The following KANSL1L variants were observed in gnomAD, a reference collection of about 807,000 sequenced individuals.
KANSL1L encodes the protein KAT8 regulatory NSL complex subunit 1-like protein.
In KANSL1L, 25 loss-of-function variants were observed where a neutral mutation model predicts 108.6. The observed-to-expected ratio is 0.23, with a 90% CI of 0.17 to 0.32. The LOEUF is 0.32. Ranked by LOEUF, KANSL1L falls within the 10% of genes least tolerant of loss-of-function variation. KANSL1L has a pLI of 1.00. For missense variants in KANSL1L, 1,137 were observed against 1,125.7 expected, an observed-to-expected ratio of 1.01 and a Z score of -0.14; for synonymous variants, 405 against 395.1, an observed-to-expected ratio of 1.03 and a Z score of -0.30.
chr2:210,118,951 C>T (rs969423237), intron 3 of KANSL1L, among the ~76,000 whole-genome samples: 28 of 151,892 alleles, frequency 1.8e-4, no homozygotes, highest in Admixed American at 7.9e-4. Flanking sequence ...AGGCAGATCA[C>T]GAGGTCAAGA....
chr2:210,087,573 GAAC>G (rs772654989), intron 5 of KANSL1L, among the ~76,000 whole-genome samples: 15 of 152,084 alleles, frequency 9.9e-5, no homozygotes, highest in Non-Finnish European at 1.5e-4. Flanking sequence ...AAGAAATCAT[GAAC>G]AACATTTCAT....
At chr2:210,123,636 A>G (rs1034480882) in intron 3 of KANSL1L, among the ~76,000 whole-genome samples, 2 of 152,158 alleles carry the variant, frequency 1.3e-5, no homozygotes, top group South Asian at 4.1e-4. Flanking sequence ...ACAGTCAACA[A>G]TAACTTATTG....
chr2:210,027,531 A>T (rs932642530), intron 11 of KANSL1L, among the ~76,000 whole-genome samples, 181 bp from the exon 12 acceptor site: 7 of 152,260 alleles, frequency 4.6e-5, no homozygotes, highest in Non-Finnish European at 1.0e-4. Context: ...ACAAAAGAGA[A>T]AATGAGACTT....
At position 210,104,018 on chromosome 2, in the gene KANSL1L, T is replaced by C. The variant is rs2094821823; in HGVS notation, c.1428+86A>G. The C allele has an allele frequency of 4.8e-6, 5 of 1,032,982 alleles. No homozygotes were observed. The Admixed American group carries it at 7.5e-5, about 16-fold the overall frequency. 64.0% of individuals were successfully genotyped at this position (1,032,982 alleles called of 1,614,324 possible). ...TTTAATAACACATATGCCAGGAAGA[T>C]ACACATATAATGATGTTTATTTGAA... On this transcript the variant is annotated intron_variant, in intron 4 of 14. Coordinates refer to ENST00000281772, the MANE Select transcript of KANSL1L (RefSeq NM_152519.4).
chr2:210,169,094 T>C (rs537571360), intron 1 of KANSL1L, among the ~76,000 whole-genome samples: 2 of 152,168 alleles, frequency 1.3e-5, no homozygotes, highest in East Asian at 3.9e-4. Context: ...TACCACTAGA[T>C]CACTGTAAAT....
intron 12 of KANSL1L, 78 bp from the exon 13 acceptor site, chr2:210,025,294 C>A (rs374282159): frequency 4.8e-6 from 4 of 828,770 alleles, no homozygotes; most frequent in African/African-American, 3.4e-5. Context: ...CGGTGGCTCA[C>A]GCCTGTAATC....
rs1347599056 is a variant in KANSL1L at position 210,118,006 on chromosome 2, A to C, written c.1230+11025T>G. On this transcript the variant is annotated intron_variant, in intron 3 of 14. Transcript: ENST00000281772. The stretch of plus-strand genomic sequence containing the variant: ...TGGAGAAACCCCGTCTCTACTAAAA[A>C]TACAAAAAAATTAGCCGGGTGTGAT... Among the ~76,000 whole-genome samples the C allele has an allele frequency of 5.3e-5, 8 of 151,842 alleles. No individual in the cohort carries two copies. In the South Asian group the frequency reaches 1.7e-3, roughly 32 times the overall value.
chr2:210,075,603 G>A lies in KANSL1L; in HGVS notation c.1704C>T (p.Phe568=). 2 of 1,614,122 alleles carry A rather than the reference G, an allele frequency of 1.2e-6. No individual in the cohort carries two copies. The highest frequency in any genetic ancestry group is 1.7e-6 in the Non-Finnish European group (2 of 1,179,996). ...TSARTRPLQS[F]HKRKLYRLSP... The stretch of plus-strand genomic sequence containing the variant: ...TCAATCTGTACAGTTTTCGTTTGTG[G>A]AAACTCTGAAGTGGCCTTGTTCGGG... The change falls in exon 6 of 15, where the codon TTC becomes TTT. Residue 568 remains phenylalanine, a synonymous_variant. Transcript: ENST00000281772.
At chr2:210,071,789 T>C (rs886667144) in intron 6 of KANSL1L, among the ~76,000 whole-genome samples, 3 of 152,188 alleles carry the variant, frequency 2.0e-5, no homozygotes, top group Non-Finnish European at 4.4e-5. Flanking sequence ...GACATATCTT[T>C]CAGGGTGGTG....
intron 6 of KANSL1L, among the ~76,000 whole-genome samples, chr2:210,068,857 TC>T (rs1279976593): frequency 1.3e-5 from 2 of 152,186 alleles, no homozygotes; most frequent in African/African-American, 4.8e-5. Flanking sequence ...TTATCTCTGT[TC>T]CTGGCTTCTG....
intron 6 of KANSL1L, among the ~76,000 whole-genome samples, chr2:210,067,877 A>G (rs1029273547): frequency 4.0e-5 from 6 of 151,496 alleles, no homozygotes; most frequent in African/African-American, 1.5e-4. Context: ...ATTTTATTTT[A>G]TTTTTATTTA....
intron 2 of KANSL1L, among the ~76,000 whole-genome samples, chr2:210,129,850 T>C (rs1166542751): frequency 2.0e-5 from 3 of 152,140 alleles, no homozygotes; most frequent in East Asian, 1.9e-4. Flanking sequence ...CTTTCTTTCA[T>C]GCATATTTAA....
rs1360347733 is a variant in KANSL1L, at chr2:210,131,343, C to T, written c.1089-2171G>A. ...TAGATAAAAGAATGGATTCAAGGTT[C>T]ATTTTAAAGTTGATAGGACTTGCAG... On this transcript the variant is annotated intron_variant, in intron 2 of 14. Coordinates refer to ENST00000281772, the MANE Select transcript of KANSL1L (RefSeq NM_152519.4). Among the ~76,000 whole-genome samples the T allele has an allele frequency of 3.9e-5, 6 of 152,204 alleles. No individual in the cohort carries two copies. The East Asian group carries it at 7.7e-4, about 20-fold the overall frequency.
At chr2:210,034,552 G>A (rs944205001) in intron 8 of KANSL1L, among the ~76,000 whole-genome samples, 1 of 152,170 alleles carries the variant, frequency 6.6e-6, no homozygotes, top group Non-Finnish European at 1.5e-5. Context: ...AAAGGGATGG[G>A]GTGGGGAGCA....
At chr2:210,150,754 C>T (rs1273313152) in intron 2 of KANSL1L, among the ~76,000 whole-genome samples, 2 of 143,428 alleles carry the variant, frequency 1.4e-5, no homozygotes, top group South Asian at 2.2e-4. Flanking sequence ...TGCACTCCAG[C>T]GTGGGCAACA....
At chr2:210,029,110 G>T in intron 10 of KANSL1L, 141 bp from the exon 11 acceptor site, 1 of 689,252 alleles carries the variant, frequency 1.5e-6, no homozygotes. Flanking sequence ...ACTAAAAAAT[G>T]TTAAGAAAAC....
At chr2:210,052,151 A>G (rs1323427984) in intron 6 of KANSL1L, among the ~76,000 whole-genome samples, 1 of 151,760 alleles carries the variant, frequency 6.6e-6, no homozygotes, top group African/African-American at 2.4e-5. Context: ...CTAGAGGTGG[A>G]TACCACCATA....
intron 3 of KANSL1L, among the ~76,000 whole-genome samples, chr2:210,114,281 AAAAC>A (rs1205920105): frequency 4.6e-5 from 7 of 152,232 alleles, no homozygotes; most frequent in African/African-American, 1.4e-4. Flanking sequence ...TTCAAAGCAA[AAAAC>A]AAACAAAAGA....
chr2:210,144,657 C>CT (rs1366397790), intron 2 of KANSL1L, among the ~76,000 whole-genome samples: 3 of 152,102 alleles, frequency 2.0e-5, no homozygotes, highest in African/African-American at 4.8e-5. Context: ...GCCTAGTTAC[C>CT]TTTTTTTAAA....
Sources: gnomAD v4.1 joint callset for allele counts (sites outside exome capture counted in the v4.1 genomes callset) on GRCh38, gnomAD v4.1.1 for gene constraint, MANE v1.5 for transcripts, NCBI Gene and HGNC (gene_info 2026-07-23, HGNC 2026-07-21) for gene names.